Variants in TRAF3IP2 observed in about 807,000 individuals in gnomAD.
TRAF3IP2 encodes TRAF3 interacting protein 2, also known as E3 ubiquitin ligase TRAF3IP2.
In TRAF3IP2, 35 loss-of-function variants were observed where a neutral mutation model predicts 57.9. That is an observed-to-expected ratio of 0.60 (90% CI 0.46 to 0.80). TRAF3IP2 has a LOEUF of 0.80. Among genes scored for constraint, TRAF3IP2 ranks in the 30% least tolerant of loss-of-function variants. TRAF3IP2 has a pLI of 0.00. For missense variants in TRAF3IP2, 556 were observed against 706.4 expected (o/e 0.79, Z 2.41); for synonymous variants, 251 against 268.9 (o/e 0.93, Z 0.65).
At chr6:111,559,723 T>C (rs959274332) in intron 8 of TRAF3IP2, among the ~76,000 whole-genome samples, 172 bp from the exon 9 acceptor site, 2 of 152,258 alleles carry the variant, frequency 1.3e-5, no homozygotes, top group African/African-American at 4.8e-5. Context: ...TGAAATGTTC[T>C]TGGCTTCGGG....
chr6:111,572,919 C>T lies in TRAF3IP2; in HGVS notation c.1266G>A (p.Leu422=), dbSNP rs894860257. ...CTGCAGTTTGGAAGCCATTTACCAA[C>T]AAAAAGTTCACGAATTTCACCACCT... ...AMEVVKFVNF[L]LVNGFQTAID... is the part of the protein sequence containing the mutation. Residue 422 remains leucine, a synonymous_variant, in exon 5 of 9, where the codon TTG becomes TTA. Transcript: ENST00000368761. The T allele has an allele frequency of 1.9e-6, 3 of 1,613,918 alleles. No homozygotes were observed. Among genetic ancestry groups the T allele is most frequent in the African/African-American group, 1.3e-5 (1 of 74,916 alleles).
rs1321760117 is a variant in TRAF3IP2, at chr6:111,566,471, G to A, written c.1449C>T (p.Gly483=). ...TTCGATGAATGTACTTAGTATGTAA[G>A]CCATGCTCATCCTCGTCCAGCTGCG... ...AESQLDEDEH[G]LHTKYIHRMM... The change falls in exon 7 of 9, where the codon GGC becomes GGT. Residue 483 remains glycine (G), a synonymous_variant. Coordinates refer to ENST00000368761, the MANE Select transcript of TRAF3IP2 (RefSeq NM_147686.4). The A allele has an allele frequency of 6.2e-7, 1 of 1,613,964 alleles. No homozygotes were observed. Among genetic ancestry groups the A allele is most frequent in the Non-Finnish European group, 8.5e-7 (1 of 1,179,960 alleles).
intron 1 of TRAF3IP2, among the ~76,000 whole-genome samples, chr6:111,597,310 G>A (rs1796722165): frequency 6.6e-6 from 1 of 152,212 alleles, no homozygotes; most frequent in Non-Finnish European, 1.5e-5. Context: ...ATCAGCCAGT[G>A]TAATGGGAGC....
chr6:111,595,188 C>T (rs182118964), intron 1 of TRAF3IP2, among the ~76,000 whole-genome samples: 1 of 152,202 alleles, frequency 6.6e-6, no homozygotes, highest in Admixed American at 6.5e-5. Context: ...GCTGAGATCA[C>T]AACTGTTGTA....
At chr6:111,590,460 T>C (rs1181831005) in intron 2 of TRAF3IP2, among the ~76,000 whole-genome samples, 1 of 152,174 alleles carries the variant, frequency 6.6e-6, no homozygotes, top group Non-Finnish European at 1.5e-5. Context: ...GTTGCATAAC[T>C]CTGTAAATAT....
At position 111,605,840 on chromosome 6, in the gene TRAF3IP2, C is replaced by G. The variant is rs1010544607; in HGVS notation, c.-73G>C. 4 of 152,148 alleles carry G rather than the reference C, an allele frequency of 2.6e-5. No homozygotes were observed. The highest frequency in any genetic ancestry group is 5.9e-5 in the Non-Finnish European group (4 of 68,020). The allele number at this position is 152,148 out of a possible 1,614,324, so 9.4% of individuals were successfully genotyped here. A position where few individuals can be genotyped will look rare whatever the true frequency, so the allele number is the denominator to read the frequency against. ...TAGTCGGCTCTCGGCGGCTTCTCGT[C>G]TCCCTCCACCTTCTCCGGGCCCAGG... On this transcript the variant is annotated 5_prime_UTR_variant, in exon 1 of 9. Transcript: ENST00000368761.
intron 3 of TRAF3IP2, among the ~76,000 whole-genome samples, chr6:111,576,191 T>C (rs1001448664): frequency 3.9e-5 from 6 of 152,154 alleles, no homozygotes; most frequent in Admixed American, 3.3e-4. Flanking sequence ...TAAAAAGACA[T>C]GACTTTTAGC....
At chr6:111,599,117 A>G (rs116574328) in intron 1 of TRAF3IP2, among the ~76,000 whole-genome samples, 8,221 of 131,602 alleles carry the variant, frequency 0.062, 425 homozygotes, top group African/African-American at 0.16. Context: ...CATGTTGCCT[A>G]GGCTGGTCTC....
intron 1 of TRAF3IP2, among the ~76,000 whole-genome samples, chr6:111,595,038 C>G (rs537388351): frequency 1.1e-4 from 17 of 152,342 alleles, no homozygotes; most frequent in Admixed American, 8.5e-4. Flanking sequence ...TCAAGACTAG[C>G]CTGGCCAACA....
chr6:111,573,642 CCAT>C (rs1432301663), intron 4 of TRAF3IP2: 5 of 152,430 alleles, frequency 3.3e-5, no homozygotes, highest in African/African-American at 1.2e-4. Context: ...ATCACAGACT[CCAT>C]CACTCATCCC....
Position 111,580,991 on chromosome 6 carries a change from A to G in TRAF3IP2, c.830-602T>C, listed in dbSNP as rs1022443750. On this transcript the variant is annotated intron_variant, in intron 2 of 8. Transcript: ENST00000368761. ...CCTTGGTCCTCTCCTGCTACAGCCT[A>G]CGTGCACTTGGAGCCAGGGCTGCTT... Among the ~76,000 whole-genome samples, 5 of 152,324 alleles carry G rather than the reference A, an allele frequency of 3.3e-5. No homozygotes were observed. In the East Asian group the frequency reaches 9.6e-4, roughly 29 times the overall value.
chr6:111,590,808 G>C (rs1796487769), intron 2 of TRAF3IP2, among the ~76,000 whole-genome samples: 2 of 152,124 alleles, frequency 1.3e-5, no homozygotes, highest in African/African-American at 4.8e-5. Context: ...GACATTCTGG[G>C]CACCTTCTGG....
rs1323065844 is a variant in TRAF3IP2 at position 111,580,364 on chromosome 6, G to A, written c.855C>T (p.Ala285=). The change falls in exon 3 of 9, where the codon GCC becomes GCT. Residue 285 remains alanine (A), a synonymous_variant. Transcript: ENST00000368761. ...VPYGHDYPRA[A]YQQVIQPALP... ...GAGCCGGCTGGATCACTTGCTGGTA[G>A]GCTGCTCGAGGGTAGTCATGGCCAT... 2 of 1,572,176 alleles carry A rather than the reference G, an allele frequency of 1.3e-6. No homozygotes were observed. Among genetic ancestry groups the A allele is most frequent in the Non-Finnish European group, 8.6e-7 (1 of 1,163,520 alleles).
In TRAF3IP2 at chr6:111,567,188, A is replaced by C. The variant is rs1054853321; in HGVS notation, c.1359+436T>G. On this transcript the variant is annotated intron_variant, in intron 6 of 8. Transcript: ENST00000368761. ...GCCGGTATAGATTCTGTCAGTGGAGAACAAATCACGGGGCTGCACGTGGGC... is the reference window on the plus strand; with the variant it reads ...GCCGGTATAGATTCTGTCAGTGGAGCACAAATCACGGGGCTGCACGTGGGC... 12 of 1,003,208 alleles carry C rather than the reference A, an allele frequency of 1.2e-5. No homozygotes were observed. In the Admixed American group the frequency reaches 6.0e-4, roughly 51 times the overall value. 62.1% of individuals were successfully genotyped at this position (1,003,208 alleles called of 1,614,324 possible). A position where few individuals can be genotyped will look rare whatever the true frequency, so the allele number is the denominator to read the frequency against.
At chr6:111,564,882 C>T (rs530406420) in intron 7 of TRAF3IP2, among the ~76,000 whole-genome samples, 3 of 152,298 alleles carry the variant, frequency 2.0e-5, no homozygotes, top group South Asian at 2.1e-4. Context: ...CTGGGACTGG[C>T]AGGTTCCTAG....
intron 5 of TRAF3IP2, among the ~76,000 whole-genome samples, chr6:111,568,533 G>T (rs1245110499): frequency 1.3e-5 from 2 of 151,128 alleles, no homozygotes; most frequent in East Asian, 3.9e-4. Context: ...ATGGGAAGAG[G>T]GATTATATAC....
intron 1 of TRAF3IP2, among the ~76,000 whole-genome samples, chr6:111,603,612 C>A (rs1397835892): frequency 6.6e-6 from 1 of 152,242 alleles, no homozygotes; most frequent in Non-Finnish European, 1.5e-5. Flanking sequence ...CCACCATAAT[C>A]TTTCTGAATG....
chr6:111,597,898 A>G (rs1429735376), intron 1 of TRAF3IP2: 1 of 455,886 alleles, frequency 2.2e-6, no homozygotes, highest in Non-Finnish European at 4.4e-6. Context: ...TCTCTACCAG[A>G]GGGCGGTGCC....
intron 1 of TRAF3IP2, among the ~76,000 whole-genome samples, chr6:111,596,745 C>A (rs174391): frequency 0.1 from 15,568 of 152,200 alleles, 1,064 homozygotes; most frequent in Middle Eastern, 0.21. Context: ...TGAGCCACTG[C>A]GCCAGTCGGT....
Sources: gnomAD v4.1 joint callset for allele counts (sites outside exome capture counted in the v4.1 genomes callset) on GRCh38, gnomAD v4.1.1 for gene constraint, MANE v1.5 for transcripts, NCBI Gene and HGNC (gene_info 2026-07-23, HGNC 2026-07-21) for gene names.